Variants in PCLO observed in about 807,000 individuals in gnomAD.
PCLO encodes the protein piccolo presynaptic cytomatrix protein.
In PCLO, 82 loss-of-function variants were observed where a neutral mutation model predicts 427.5. That is an observed-to-expected ratio of 0.19 (90% CI 0.16 to 0.23). PCLO has a LOEUF of 0.23. PCLO is among the 10% of genes least tolerant of loss of function. The pLI, the probability that PCLO is intolerant of heterozygous loss-of-function variation, is 1.00. For missense variants in PCLO, 6,239 were observed against 6,115.9 expected (o/e 1.02, Z -0.67); for synonymous variants, 2,357 against 2,155.4 (o/e 1.09, Z -2.59).
chr7:82,824,868 G>A (rs1411296859), intron 18 of PCLO, among the ~76,000 whole-genome samples: 4 of 151,942 alleles, frequency 2.6e-5, no homozygotes, highest in Admixed American at 2.6e-4. Context: ...AGAATGGCAT[G>A]AACCCAGGAG....
chr7:82,823,921 A>G (rs1014959546), intron 19 of PCLO, among the ~76,000 whole-genome samples: 4 of 152,160 alleles, frequency 2.6e-5, no homozygotes, highest in African/African-American at 9.7e-5. Context: ...TATCTTTATG[A>G]AATACCCAAA....
chr7:83,006,072 G>A (rs1257083236), intron 3 of PCLO, among the ~76,000 whole-genome samples: 2 of 151,510 alleles, frequency 1.3e-5, no homozygotes, highest in Non-Finnish European at 3.0e-5. Flanking sequence ...TGCATTTTAT[G>A]GCTTTCAGTT....
At chr7:83,117,950 G>A (rs1019451809) in intron 3 of PCLO, among the ~76,000 whole-genome samples, 1 of 152,100 alleles carries the variant, frequency 6.6e-6, no homozygotes, top group Admixed American at 6.5e-5. Context: ...AAATAGTAAG[G>A]TTCTGACACT....
intron 3 of PCLO, among the ~76,000 whole-genome samples, chr7:83,064,425 C>T (rs1164972805): frequency 1.3e-5 from 2 of 151,918 alleles, no homozygotes; most frequent in East Asian, 3.9e-4. Flanking sequence ...AAATGGCAGG[C>T]TATGGATTTC....
At position 83,011,364 on chromosome 7, in the gene PCLO, A is replaced by T. The variant is rs1296796184; in HGVS notation, c.3301-44877T>A. 3.3e-5 allele frequency among the ~76,000 whole-genome samples: 5 copies of T among 152,046 alleles called. No homozygotes were observed. The East Asian group carries it at 9.6e-4, about 29-fold the overall frequency. ...AAACATTTTATGTGATTACTTTTTA[A>T]GTTTTTTGTCATTGTTTGATTAATC... On this transcript the variant is annotated intron_variant, in intron 3 of 24. Transcript: ENST00000333891.
At chr7:82,776,824 C>A (rs1002294293) in intron 22 of PCLO, among the ~76,000 whole-genome samples, 8 of 57,730 alleles carry the variant, frequency 1.4e-4, no homozygotes, top group African/African-American at 6.1e-4. Flanking sequence ...CTCTCTCTCT[C>A]TCTCTATATA....
intron 3 of PCLO, among the ~76,000 whole-genome samples, chr7:82,968,516 A>G (rs1458095121): frequency 9.6e-6 from 1 of 104,084 alleles, no homozygotes; most frequent in Non-Finnish European, 1.8e-5. Flanking sequence ...TCAGAGTCTG[A>G]CTTTTTTTTT....
In PCLO at chr7:83,012,679, G is replaced by A. The variant is rs1001740290; in HGVS notation, c.3301-46192C>T. Among the ~76,000 whole-genome samples, 4 of 149,396 alleles carry A rather than the reference G, an allele frequency of 2.7e-5. No homozygotes were observed. In the East Asian group the frequency reaches 5.9e-4, roughly 22 times the overall value. ...CCCAGATTTTTATATGAAACCCCTTGGGGTTCAAATATTCATAATCAATTA... is the reference window on the plus strand; with the variant it reads ...CCCAGATTTTTATATGAAACCCCTTAGGGTTCAAATATTCATAATCAATTA... On this transcript the variant is annotated intron_variant, in intron 3 of 24. Coordinates refer to ENST00000333891, the MANE Select transcript of PCLO (RefSeq NM_033026.6).
At chr7:83,012,557 C>T (rs1435327571) in intron 3 of PCLO, among the ~76,000 whole-genome samples, 1 of 130,868 alleles carries the variant, frequency 7.6e-6, no homozygotes, top group Non-Finnish European at 1.6e-5. Flanking sequence ...GCAGAGGTTG[C>T]GGTGAGCCGA....
chr7:83,009,837 A>T (rs1168330480), intron 3 of PCLO, among the ~76,000 whole-genome samples: 1 of 151,996 alleles, frequency 6.6e-6, no homozygotes, highest in Non-Finnish European at 1.5e-5. Flanking sequence ...CATTCTCTAA[A>T]TACTAGAATA....
intron 15 of PCLO, among the ~76,000 whole-genome samples, chr7:82,836,635 G>A (rs890711805): frequency 6.6e-6 from 1 of 152,150 alleles, no homozygotes; most frequent in Non-Finnish European, 1.5e-5. Context: ...TAAAAGCTGT[G>A]AACTAACTTT....
At chr7:83,116,501 C>A (rs753160325) in intron 3 of PCLO, among the ~76,000 whole-genome samples, 1 of 152,032 alleles carries the variant, frequency 6.6e-6, no homozygotes, top group Non-Finnish European at 1.5e-5. Context: ...AATTTTTTTA[C>A]TGAATTTTTA....
At chr7:82,868,025 G>A (rs1201574937) in intron 10 of PCLO, 1 of 396,846 alleles carries the variant, frequency 2.5e-6, no homozygotes, top group African/African-American at 2.1e-5. Flanking sequence ...ATATCAACAT[G>A]ATATGTGGTC....
intron 11 of PCLO, 40 bp downstream of exon 11, chr7:82,847,099 T>G: frequency 9.0e-7 from 1 of 1,117,098 alleles, no homozygotes; most frequent in East Asian, 2.4e-5. Context: ...GAGTCATGGA[T>G]AGCCAAAAAA....
intron 10 of PCLO, among the ~76,000 whole-genome samples, chr7:82,854,452 A>C (rs768603371): frequency 1.3e-5 from 2 of 152,114 alleles, no homozygotes; most frequent in Non-Finnish European, 2.9e-5. Context: ...TCATAATATA[A>C]AGATAATATA....
intron 4 of PCLO, among the ~76,000 whole-genome samples, chr7:82,963,305 A>G (rs1054197518): frequency 3.3e-5 from 5 of 152,096 alleles, no homozygotes; most frequent in African/African-American, 1.2e-4. Flanking sequence ...AAGAAATGCA[A>G]TGGGTTTTAA....
chr7:82,917,135 T>C (rs755809513), intron 6 of PCLO, among the ~76,000 whole-genome samples: 16 of 152,124 alleles, frequency 1.1e-4, no homozygotes, highest in African/African-American at 1.7e-4. Context: ...TTAATATACA[T>C]AAGATTATTT....
At position 82,950,110 on chromosome 7, in the gene PCLO, C is replaced by T. The variant is rs1196374557; in HGVS notation, c.10478G>A (p.Arg3493His). 6 of 1,610,600 alleles carry T rather than the reference C, an allele frequency of 3.7e-6. No homozygotes were observed. Among genetic ancestry groups the T allele is most frequent in the South Asian group, 1.1e-5 (1 of 90,844 alleles). The change falls in exon 6 of 25, where the codon CGT becomes CAT. Residue 3493 changes from arginine (R) to histidine (H), a missense_variant. Around this residue, in one of 5 missense-constraint regions of PCLO, gnomAD observed 4,677 missense variants for 4,468.4 expected, o/e 1.05. Coordinates refer to ENST00000333891, the MANE Select transcript of PCLO (RefSeq NM_033026.6). ...DMPTRSRRKA[R>H]VGKYGDSMTE... ...CATGCTGTCACCATATTTCCCTACA[C>T]GAGCTTTCCTCCTTGATCTAGTAGG...
At position 82,758,447 on chromosome 7, in the gene PCLO, T is replaced by G; in HGVS notation, c.*128A>C. 3.1e-6 allele frequency: 2 copies of G among 653,262 alleles called. No homozygotes were observed. Among genetic ancestry groups the G allele is most frequent in the Non-Finnish European group, 2.5e-6 (1 of 393,346 alleles). The allele number at this position is 653,262 out of a possible 1,614,324, so 40.5% of individuals were successfully genotyped here. The stretch of plus-strand genomic sequence containing the variant: ...CAATAAATGTACAAGGTCTTAAGTA[T>G]GTTTTTGCTTGTTGTTCCCACTCTT... On this transcript the variant is annotated 3_prime_UTR_variant, in exon 25 of 25. Transcript: ENST00000333891.
Sources: allele counts gnomAD v4.1 joint callset (sites outside exome capture counted in the v4.1 genomes callset), GRCh38; gene constraint gnomAD v4.1.1; regional missense constraint gnomAD v4.1.1; transcripts MANE v1.5; gene names NCBI Gene and HGNC (gene_info 2026-07-23, HGNC 2026-07-21).